Variants in KCNC1 observed in about 807,000 individuals in gnomAD.
KCNC1 encodes the protein potassium voltage-gated channel subfamily C member 1.
In KCNC1, 8 loss-of-function variants were observed where a neutral mutation model predicts 43.4. The observed-to-expected ratio is 0.18, with a 90% CI of 0.11 to 0.33. The LOEUF (loss-of-function observed/expected upper bound fraction) is 0.33, where lower values mean the gene tolerates loss of function less well. Among genes scored for constraint, KCNC1 ranks in the 10% least tolerant of loss-of-function variants. The pLI is 1.00. For missense variants in KCNC1, 420 were observed against 836.0 expected, an observed-to-expected ratio of 0.50 and a Z score of 6.14; for synonymous variants, 361 against 360.5, an observed-to-expected ratio of 1.00 and a Z score of -0.01.
At chr11:17,780,902 T>G (rs982874260) in intron 3 of KCNC1, 1 of 152,290 alleles carries the variant, frequency 6.6e-6, no homozygotes, top group African/African-American at 2.4e-5. Flanking sequence ...TGGTGCTGCA[T>G]GGCGGAGGGC....
chr11:17,748,375 G>A (rs1320613183), intron 1 of KCNC1, among the ~76,000 whole-genome samples: 1 of 152,066 alleles, frequency 6.6e-6, no homozygotes, highest in Non-Finnish European at 1.5e-5. Context: ...AAGGACAGTG[G>A]TATATCAGAA....
In KCNC1 at chr11:17,742,921, G is replaced by A. The variant is rs2133780668; in HGVS notation, c.570+6349G>A. On this transcript the variant is annotated intron_variant, in intron 1 of 3. Coordinates refer to ENST00000265969, the MANE Select transcript of KCNC1 (RefSeq NM_001112741.2). The surrounding 1 kb of genome is among the most constrained non-coding windows in gnomAD (Gnocchi z 4.2). ...CTACTCCCATTAATTTCCTTCCTGG[G>A]GGAAGTGGAATACACAGATACCTGC... Among the ~76,000 whole-genome samples, 1 of 152,204 alleles carries A rather than the reference G, an allele frequency of 6.6e-6. No homozygotes were observed. The highest frequency in any genetic ancestry group is 1.5e-5 in the Non-Finnish European group (1 of 68,024).
At chr11:17,747,301 C>T (rs1848911739) in intron 1 of KCNC1, among the ~76,000 whole-genome samples, 1 of 152,196 alleles carries the variant, frequency 6.6e-6, no homozygotes. Flanking sequence ...CCGCTTGTCC[C>T]TGCTCTTCCT....
intron 1 of KCNC1, among the ~76,000 whole-genome samples, chr11:17,764,640 C>G (rs958317025): frequency 6.6e-6 from 1 of 152,206 alleles, no homozygotes; most frequent in Non-Finnish European, 1.5e-5. Context: ...GAGCTCCTCC[C>G]GCCCACTGCC....
Position 17,781,555 on chromosome 11 carries a change from T to TGC in KCNC1, c.1694-114_1694-113dup. 1.4e-6 allele frequency: 1 copy of TGC among 732,286 alleles called. No homozygotes were observed. The highest frequency in any genetic ancestry group is 2.2e-5 in the Admixed American group (1 of 44,742). The allele number at this position is 732,286 out of a possible 1,614,324, so 45.4% of individuals were successfully genotyped here. A position where few individuals can be genotyped will look rare whatever the true frequency, so the allele number is the denominator to read the frequency against. ...CAAGCCAGCTGGAGAAGAATCTGCC[T>TGC]GCCTCTGCATGCGGCTGTTCTGTCT... On this transcript the variant is annotated intron_variant, in intron 3 of 3. Coordinates refer to ENST00000265969, the MANE Select transcript of KCNC1 (RefSeq NM_001112741.2). This position sits in a 1 kb window ranked among gnomAD's most constrained non-coding sequence, Gnocchi z 5.1.
At chr11:17,762,780 C>T (rs1039679610) in intron 1 of KCNC1, among the ~76,000 whole-genome samples, 4 of 152,170 alleles carry the variant, frequency 2.6e-5, no homozygotes, top group African/African-American at 4.8e-5. Flanking sequence ...GAGTGCTCTG[C>T]ACCCCTGGGC....
rs1849228241 is a variant in KCNC1 at position 17,771,527 on chromosome 11, G to A, written c.571-138G>A. On this transcript the variant is annotated intron_variant, in intron 1 of 3. Coordinates refer to ENST00000265969, the MANE Select transcript of KCNC1 (RefSeq NM_001112741.2). This position sits in a 1 kb window ranked among gnomAD's most constrained non-coding sequence, Gnocchi z 4.7. ...GTCGTGCAGGCCCCCTGTGCCCTGA[G>A]GAGGGAAATGTAGCACGTGCTGCAG... is the stretch of plus-strand genomic sequence containing the variant. 1 of 755,758 alleles carries A rather than the reference G, an allele frequency of 1.3e-6. No homozygotes were observed. The highest frequency in any genetic ancestry group is 2.4e-5 in the Admixed American group (1 of 41,956). 46.8% of individuals were successfully genotyped at this position (755,758 alleles called of 1,614,324 possible).
intron 2 of KCNC1, among the ~76,000 whole-genome samples, chr11:17,778,502 T>C (rs1022554645): frequency 6.6e-6 from 1 of 152,254 alleles, no homozygotes; most frequent in Non-Finnish European, 1.5e-5. Flanking sequence ...CACAGCCTCA[T>C]GCATACATCC....
rs766179739 is a variant in KCNC1, at chr11:17,776,099, C to T, written c.1505-3357C>T. ...GGCCCTGAGTGGGGTCTTTGTTGTC[C>T]TCAGGTGGGCTGTGGGGGAAGTAGC... On this transcript the variant is annotated intron_variant, in intron 2 of 3. Transcript: ENST00000265969. This position sits in a 1 kb window ranked among gnomAD's most constrained non-coding sequence, Gnocchi z 4.4. 70 of 985,298 alleles carry T rather than the reference C, an allele frequency of 7.1e-5. No homozygotes were observed. The highest frequency in any genetic ancestry group is 8.3e-5 in the Non-Finnish European group (69 of 829,982). 61.0% of individuals were successfully genotyped at this position (985,298 alleles called of 1,614,324 possible).
Position 17,772,153 on chromosome 11 carries a change from C to G in KCNC1, c.1059C>G (p.Ala353=), listed in dbSNP as rs370151071. 1.9e-6 allele frequency: 3 copies of G among 1,614,152 alleles called. No individual in the cohort carries two copies. Among genetic ancestry groups the G allele is most frequent in the Non-Finnish European group, 2.5e-6 (3 of 1,180,030 alleles). ...NEFLLLIIFL[A]LGVLIFATMI... Reference sequence around the variant, plus strand: ...TCCTGCTGCTCATCATCTTCCTGGCCTTGGGCGTGCTGATCTTCGCCACCA... The same window carrying G: ...TCCTGCTGCTCATCATCTTCCTGGCGTTGGGCGTGCTGATCTTCGCCACCA... Residue 353 remains alanine (A), a synonymous_variant, in exon 2 of 4, where the codon GCC becomes GCG. Transcript: ENST00000265969.
In KCNC1 at chr11:17,745,355, G is replaced by A. The variant is rs544110351; in HGVS notation, c.570+8783G>A. ...CTGGTAGACCTTGGGAGTCATCCTG[G>A]ACTCCTCTCTCTCTCAGACATCAAC... On this transcript the variant is annotated intron_variant, in intron 1 of 3. Coordinates refer to ENST00000265969, the MANE Select transcript of KCNC1 (RefSeq NM_001112741.2). Among the ~76,000 whole-genome samples the A allele has an allele frequency of 3.3e-5, 5 of 152,254 alleles. No homozygotes were observed. In the South Asian group the frequency reaches 8.3e-4, roughly 25 times the overall value.
rs147224911 is a variant in KCNC1, at chr11:17,736,914, T to C, written c.570+342T>C. Among the ~76,000 whole-genome samples the C allele has an allele frequency of 3.2e-3, 482 of 152,274 alleles. 5 individuals are homozygous for C. The highest frequency in any genetic ancestry group is 0.01 in the African/African-American group (417 of 41,546). ...GGGAATGAGTGAGCATGTGTGTATGTTCGAGTGTGCATGAGCGCCTGCCCG... is the reference window on the plus strand; with the variant it reads ...GGGAATGAGTGAGCATGTGTGTATGCTCGAGTGTGCATGAGCGCCTGCCCG... On this transcript the variant is annotated intron_variant, in intron 1 of 3. Coordinates refer to ENST00000265969, the MANE Select transcript of KCNC1 (RefSeq NM_001112741.2). This position sits in a 1 kb window ranked among gnomAD's most constrained non-coding sequence, Gnocchi z 9.3.
chr11:17,744,484 G>A (rs1294384482), intron 1 of KCNC1, among the ~76,000 whole-genome samples: 3 of 152,170 alleles, frequency 2.0e-5, no homozygotes, highest in Admixed American at 6.5e-5. Context: ...CCTGCCTGAC[G>A]GGCTCCCCCA....
At chr11:17,765,626 G>C (rs55748057) in intron 1 of KCNC1, among the ~76,000 whole-genome samples, 14,644 of 152,208 alleles carry the variant, frequency 0.096, 891 homozygotes, top group Non-Finnish European at 0.15. Flanking sequence ...ATTTGGTTTG[G>C]GGGGAGAAAA....
chr11:17,760,549 G>A (rs1849066215), intron 1 of KCNC1, among the ~76,000 whole-genome samples: 2 of 152,182 alleles, frequency 1.3e-5, no homozygotes, highest in African/African-American at 4.8e-5. Flanking sequence ...CCTGGCCTGT[G>A]GGACTGCAGG....
chr11:17,777,063 T>G lies in KCNC1; in HGVS notation c.1505-2393T>G. The G allele has an allele frequency of 2.0e-6, 2 of 985,214 alleles. No individual in the cohort carries two copies. Among genetic ancestry groups the G allele is most frequent in the South Asian group, 4.7e-5 (1 of 21,276 alleles). 61.0% of individuals were successfully genotyped at this position (985,214 alleles called of 1,614,324 possible). A position where few individuals can be genotyped will look rare whatever the true frequency, so the allele number is the denominator to read the frequency against. On this transcript the variant is annotated intron_variant, in intron 2 of 3. Coordinates refer to ENST00000265969, the MANE Select transcript of KCNC1 (RefSeq NM_001112741.2). This position sits in a 1 kb window ranked among gnomAD's most constrained non-coding sequence, Gnocchi z 4.3. ...AGGCTATCATCCCTCCAGGGATCCC[T>G]GATGGATGTTCCTTGTCCCCTGCCC...
At position 17,777,184 on chromosome 11, in the gene KCNC1, A is replaced by G; in HGVS notation, c.1505-2272A>G. ...GGACAGAACCAGTGGGCGGGGGCCC[A>G]GCATTCAGAGCCAGAGAAGGGTCTC... is the stretch of plus-strand genomic sequence containing the variant. On this transcript the variant is annotated intron_variant, in intron 2 of 3. Transcript: ENST00000265969. This position sits in a 1 kb window ranked among gnomAD's most constrained non-coding sequence, Gnocchi z 4.3. 4.1e-6 allele frequency: 4 copies of G among 985,626 alleles called. No individual in the cohort carries two copies. The highest frequency in any genetic ancestry group is 4.8e-6 in the Non-Finnish European group (4 of 829,948). 61.1% of individuals were successfully genotyped at this position (985,626 alleles called of 1,614,324 possible).
intron 1 of KCNC1, among the ~76,000 whole-genome samples, chr11:17,766,217 C>T (rs1456789067): frequency 6.6e-6 from 1 of 152,202 alleles, no homozygotes; most frequent in Non-Finnish European, 1.5e-5. Context: ...GTGCAGCACC[C>T]AAGTGTTTCT....
chr11:17,779,604 C>T lies in KCNC1; in HGVS notation c.1653C>T (p.Thr551=), dbSNP rs368328020. ...ACGGACCCTGCTTCCTCTTATCAAC[C>T]GGGGAGTACGCGTGCCCACCTGGTG... The part of the protein sequence containing the change: ...ERYGPCFLLS[T]GEYACPPGGG... Residue 551 remains threonine, a synonymous_variant, in exon 3 of 4, where the codon ACC becomes ACT. Transcript: ENST00000265969. This position sits in a 1 kb window ranked among gnomAD's most constrained non-coding sequence, Gnocchi z 7.2. 63 of 1,550,902 alleles carry T rather than the reference C, an allele frequency of 4.1e-5. No individual in the cohort carries two copies. The highest frequency in any genetic ancestry group is 1.1e-4 in the African/African-American group (8 of 72,990).
Sources: allele counts gnomAD v4.1 joint callset (sites outside exome capture counted in the v4.1 genomes callset), GRCh38; gene constraint gnomAD v4.1.1; non-coding constraint Gnocchi (gnomAD v3.1); transcripts MANE v1.5; gene names NCBI Gene and HGNC (gene_info 2026-07-23, HGNC 2026-07-21).